TFDP2: variants seen among roughly 807,000 people sequenced by gnomAD.
TFDP2 encodes transcription factor Dp-2.
Under a neutral mutation model 59.3 loss-of-function variants are expected in TFDP2, and 17 were observed. The observed-to-expected ratio is 0.29, with a 90% CI of 0.20 to 0.43. The LOEUF is 0.43. Ranked by LOEUF, TFDP2 falls within the 20% of genes least tolerant of loss-of-function variation. The pLI is 1.00. For missense variants in TFDP2, 391 were observed against 528.8 expected, an observed-to-expected ratio of 0.74 and a Z score of 2.56; for synonymous variants, 180 against 194.7, an observed-to-expected ratio of 0.92 and a Z score of 0.63.
chr3:141,969,232 GATATATAT>G, intron 9 of TFDP2, among the ~76,000 whole-genome samples: 1 of 65,830 alleles, frequency 1.5e-5, no homozygotes, highest in East Asian at 3.3e-4. Flanking sequence ...ATATATATGA[GATATATAT>G]ATATATAACA....
In TFDP2 at chr3:142,120,163, C is replaced by T. The variant is rs1355855009; in HGVS notation, c.-92-18322G>A. 3.3e-5 allele frequency among the ~76,000 whole-genome samples: 5 copies of T among 151,498 alleles called. No individual in the cohort carries two copies. The South Asian group carries it at 1.0e-3, about 32-fold the overall frequency. ...AGATCACAAGGTCAGGAGATCAAGA[C>T]CATCCTGGCCAACAGGGTGAAATCC... On this transcript the variant is annotated intron_variant, in intron 1 of 12. Coordinates refer to ENST00000489671, the MANE Select transcript of TFDP2 (RefSeq NM_001178139.2).
At chr3:142,042,580 G>A (rs1449560652) in intron 3 of TFDP2, among the ~76,000 whole-genome samples, 1 of 150,846 alleles carries the variant, frequency 6.6e-6, no homozygotes, top group African/African-American at 2.4e-5. Context: ...TTACAGGTGT[G>A]AGCCACTGTG....
chr3:142,120,791 C>T (rs755143348), intron 1 of TFDP2, among the ~76,000 whole-genome samples: 2 of 152,068 alleles, frequency 1.3e-5, no homozygotes, highest in Non-Finnish European at 2.9e-5. Flanking sequence ...GATGCCTCAC[C>T]CAAGCAGCTG....
intron 11 of TFDP2, among the ~76,000 whole-genome samples, chr3:141,956,957 C>T (rs1424702668): frequency 9.9e-6 from 1 of 101,466 alleles, no homozygotes; most frequent in Non-Finnish European, 1.9e-5. Context: ...CCACAAAAAT[C>T]ACAGCGAGAT....
At chr3:142,149,036 G>T in intron 1 of TFDP2, 147 bp downstream of exon 1, 1 of 392,098 alleles carries the variant, frequency 2.6e-6, no homozygotes, top group Non-Finnish European at 4.5e-6. Flanking sequence ...ACCCGGCCAG[G>T]CCTGGAGAAC....
At chr3:142,096,023 C>T (rs544167971) in intron 2 of TFDP2, among the ~76,000 whole-genome samples, 97 of 152,236 alleles carry the variant, frequency 6.4e-4, no homozygotes, top group African/African-American at 2.1e-3. Flanking sequence ...ACTGGGTTAC[C>T]GTTATGCTTA....
chr3:142,057,795 C>A (rs143149016), intron 3 of TFDP2, among the ~76,000 whole-genome samples: 1 of 152,150 alleles, frequency 6.6e-6, no homozygotes, highest in African/African-American at 2.4e-5. Flanking sequence ...TACAGGGAGA[C>A]GCTAGAAGTT....
At chr3:141,965,624 A>AAAAAGAAAAG (rs996908746) in intron 9 of TFDP2, among the ~76,000 whole-genome samples, 1 of 151,512 alleles carries the variant, frequency 6.6e-6, no homozygotes, top group Non-Finnish European at 1.5e-5. Context: ...AAGGAAAGGA[A>AAAAAGAAAAG]AAAAGAAAAG....
At chr3:142,083,697 C>A (rs1265205963) in intron 3 of TFDP2, among the ~76,000 whole-genome samples, 3 of 152,168 alleles carry the variant, frequency 2.0e-5, no homozygotes, top group Admixed American at 1.3e-4. Context: ...AGAAATAAAT[C>A]CATACACCTA....
intron 3 of TFDP2, among the ~76,000 whole-genome samples, chr3:142,092,464 C>A (rs554559664): frequency 6.6e-6 from 1 of 152,192 alleles, no homozygotes; most frequent in East Asian, 1.9e-4. Flanking sequence ...ATAGCTGGGA[C>A]TACAGGTACA....
chr3:142,090,560 T>TC (rs1440174428), intron 3 of TFDP2, among the ~76,000 whole-genome samples: 5 of 149,926 alleles, frequency 3.3e-5, no homozygotes, highest in African/African-American at 1.2e-4. Flanking sequence ...TTTCTTTCTT[T>TC]CCTTTTTTTT....
At chr3:142,102,251 T>TA (rs1424272990) in intron 1 of TFDP2, among the ~76,000 whole-genome samples, 1 of 152,120 alleles carries the variant, frequency 6.6e-6, no homozygotes, top group Non-Finnish European at 1.5e-5. Flanking sequence ...GAAATCAGCT[T>TA]AAAGAGCCTA....
intron 3 of TFDP2, among the ~76,000 whole-genome samples, chr3:142,060,464 T>C (rs1040490096): frequency 2.6e-5 from 4 of 152,192 alleles, no homozygotes; most frequent in Non-Finnish European, 5.9e-5. Context: ...ACTCAACAAA[T>C]ATACAGTGAG....
intron 9 of TFDP2, among the ~76,000 whole-genome samples, chr3:141,969,273 G>GAT (rs36189919): frequency 0.085 from 9,032 of 106,206 alleles, 737 homozygotes; most frequent in Non-Finnish European, 0.11. Context: ...ATATATATGA[G>GAT]ATATATATAT....
Position 141,998,200 on chromosome 3 carries a change from C to T in TFDP2, c.187-3059G>A, listed in dbSNP as rs117029854. Among the ~76,000 whole-genome samples the T allele has an allele frequency of 9.2e-5, 14 of 152,058 alleles. No homozygotes were observed. In the East Asian group the frequency reaches 2.5e-3, roughly 27 times the overall value. ...CTAAACTAGGATAATGAGAGTGAAA[C>T]GTAAGAAATAAAACAGAAGGAAAGT... is the stretch of plus-strand genomic sequence containing the variant. On this transcript the variant is annotated intron_variant, in intron 4 of 12. Coordinates refer to ENST00000489671, the MANE Select transcript of TFDP2 (RefSeq NM_001178139.2).
intron 3 of TFDP2, among the ~76,000 whole-genome samples, chr3:142,041,708 G>T (rs750571496): frequency 6.6e-6 from 1 of 152,168 alleles, no homozygotes; most frequent in African/African-American, 2.4e-5. Context: ...TCTCTTTCAT[G>T]AATCATGCTT....
At chr3:142,032,659 C>T (rs1946490982) in intron 3 of TFDP2, among the ~76,000 whole-genome samples, 1 of 152,188 alleles carries the variant, frequency 6.6e-6, no homozygotes, top group African/African-American at 2.4e-5. Context: ...CAAACCCACT[C>T]ATCCTCCTAG....
chr3:141,983,197 G>A (rs1458404769), intron 6 of TFDP2, among the ~76,000 whole-genome samples: 1 of 152,146 alleles, frequency 6.6e-6, no homozygotes, highest in Non-Finnish European at 1.5e-5. Flanking sequence ...GTCAACACCT[G>A]CCATACACAG....
At chr3:141,961,095 A>C (rs1421788265) in intron 10 of TFDP2, among the ~76,000 whole-genome samples, 2 of 152,146 alleles carry the variant, frequency 1.3e-5, no homozygotes, top group Admixed American at 1.3e-4. Context: ...TTCTTTTTAG[A>C]CTTAAGAGAC....
Sources: gnomAD v4.1 joint callset for allele counts (sites outside exome capture counted in the v4.1 genomes callset) on GRCh38, gnomAD v4.1.1 for gene constraint, MANE v1.5 for transcripts, NCBI Gene and HGNC (gene_info 2026-07-23, HGNC 2026-07-21) for gene names.